CTIF: variants seen among roughly 807,000 people sequenced by gnomAD.
The protein encoded by CTIF is cap binding complex dependent translation initiation factor.
In CTIF, 21 loss-of-function variants were observed where a neutral mutation model predicts 66.0. The ratio of observed to expected loss-of-function variants is 0.32; its 90% CI spans 0.23 to 0.46. The LOEUF (loss-of-function observed/expected upper bound fraction) is 0.46, where lower values mean the gene tolerates loss of function less well. Ranked by LOEUF, CTIF falls within the 20% of genes least tolerant of loss-of-function variation. CTIF has a pLI of 1.00. For synonymous variants in CTIF, 345 were observed against 326.4 expected (o/e 1.06, Z -0.62); for missense variants, 739 against 812.7 (o/e 0.91, Z 1.10).
intron 5 of CTIF, among the ~76,000 whole-genome samples, chr18:48,666,028 A>G (rs1434387652): frequency 6.6e-6 from 1 of 152,238 alleles, no homozygotes; most frequent in Non-Finnish European, 1.5e-5. Flanking sequence ...GGAGCTGTCA[A>G]ACTGTGTTCC....
intron 3 of CTIF, among the ~76,000 whole-genome samples, chr18:48,653,709 G>A (rs577948468): frequency 1.3e-5 from 2 of 152,176 alleles, no homozygotes; most frequent in Non-Finnish European, 1.5e-5. Context: ...GGCATCACGC[G>A]ACCTGACTTC....
At chr18:48,657,864 G>A (rs563478224) in intron 3 of CTIF, among the ~76,000 whole-genome samples, 4 of 152,260 alleles carry the variant, frequency 2.6e-5, no homozygotes, top group South Asian at 2.1e-4. Flanking sequence ...CAAGTCCAAC[G>A]CTTGCCTGGG....
intron 1 of CTIF, among the ~76,000 whole-genome samples, chr18:48,543,554 G>A (rs979860308): frequency 1.2e-4 from 18 of 152,288 alleles, no homozygotes; most frequent in Middle Eastern, 6.8e-3. Context: ...TCTGACTTTG[G>A]AATTAAGGCC....
chr18:48,589,045 T>G (rs2089833903), intron 1 of CTIF, among the ~76,000 whole-genome samples: 1 of 152,174 alleles, frequency 6.6e-6, no homozygotes, highest in Non-Finnish European at 1.5e-5. Flanking sequence ...CAGCCCAACT[T>G]TTTAAGAAAA....
At chr18:48,583,884 A>G (rs1188818291) in intron 1 of CTIF, among the ~76,000 whole-genome samples, 1 of 152,212 alleles carries the variant, frequency 6.6e-6, no homozygotes, top group Non-Finnish European at 1.5e-5. Flanking sequence ...CTTGAATATT[A>G]AGTCACTCAC....
chr18:48,600,417 C>G (rs1371935512), intron 1 of CTIF, among the ~76,000 whole-genome samples: 1 of 152,122 alleles, frequency 6.6e-6, no homozygotes, highest in Non-Finnish European at 1.5e-5. Context: ...TCAGTTGGAG[C>G]AAGCAGATGT....
At chr18:48,656,442 G>T (rs1457084977) in intron 3 of CTIF, among the ~76,000 whole-genome samples, 1 of 152,176 alleles carries the variant, frequency 6.6e-6, no homozygotes, top group Non-Finnish European at 1.5e-5. Flanking sequence ...CTTGGGCAGT[G>T]CTGGCACATA....
intron 5 of CTIF, among the ~76,000 whole-genome samples, chr18:48,669,695 T>A (rs1397581101): frequency 6.7e-6 from 1 of 150,002 alleles, no homozygotes; most frequent in Non-Finnish European, 1.5e-5. Flanking sequence ...ATTAAACATA[T>A]GTGTGTATGT....
chr18:48,781,642 A>T (rs1005301165), intron 9 of CTIF, among the ~76,000 whole-genome samples: 1 of 152,016 alleles, frequency 6.6e-6, no homozygotes, highest in African/African-American at 2.4e-5. Context: ...AGGGCCTGGG[A>T]GAGAAGACAC....
At chr18:48,659,769 T>C (rs1287023684) in intron 3 of CTIF, among the ~76,000 whole-genome samples, 1 of 152,130 alleles carries the variant, frequency 6.6e-6, no homozygotes, top group East Asian at 1.9e-4. Flanking sequence ...AGAAGCAGCC[T>C]GGTGCCGAGT....
At chr18:48,745,589 G>A (rs989000376) in intron 7 of CTIF, among the ~76,000 whole-genome samples, 2 of 152,112 alleles carry the variant, frequency 1.3e-5, no homozygotes, top group African/African-American at 4.8e-5. Context: ...TTATCATAAG[G>A]GAAAGCCTTT....
At chr18:48,739,072 A>G (rs981137047) in intron 7 of CTIF, among the ~76,000 whole-genome samples, 4 of 152,162 alleles carry the variant, frequency 2.6e-5, no homozygotes, top group Non-Finnish European at 5.9e-5. Context: ...CACCCTGAAT[A>G]GCTGGTCCCC....
chr18:48,796,863 A>G lies in CTIF; in HGVS notation c.1372-20358A>G, dbSNP rs537356714. On this transcript the variant is annotated intron_variant, in intron 9 of 11. Transcript: ENST00000256413. ...TTGTGTGACGAGAATTGTTTCCCCT[A>G]TCCACACTGCTTAGTGAGTCTGGGC... Among the ~76,000 whole-genome samples the G allele has an allele frequency of 1.6e-3, 240 of 152,280 alleles. 1 individual carries two copies. The highest frequency in any genetic ancestry group is 5.6e-3 in the African/African-American group (233 of 41,548).
At chr18:48,713,035 C>T (rs2092243915) in intron 7 of CTIF, among the ~76,000 whole-genome samples, 2 of 152,220 alleles carry the variant, frequency 1.3e-5, no homozygotes, top group African/African-American at 4.8e-5. Context: ...GGACCCAGGC[C>T]TGTTCCTGCC....
At chr18:48,772,558 C>A (rs1328356511) in intron 9 of CTIF, among the ~76,000 whole-genome samples, 1 of 142,974 alleles carries the variant, frequency 7.0e-6, no homozygotes, top group African/African-American at 2.5e-5. Context: ...ATGAATTCAC[C>A]CACTCTACAA....
chr18:48,825,977 C>T (rs1213682131), intron 10 of CTIF: 1 of 152,228 alleles, frequency 6.6e-6, no homozygotes, highest in African/African-American at 2.4e-5. Context: ...TGAGCATCCA[C>T]TGACCAGCCA....
At chr18:48,569,563 C>T (rs938391548) in intron 1 of CTIF, among the ~76,000 whole-genome samples, 6 of 152,118 alleles carry the variant, frequency 3.9e-5, no homozygotes, top group Middle Eastern at 3.2e-3. Context: ...AATACCCAGC[C>T]GCACCAGTAT....
intron 2 of CTIF, among the ~76,000 whole-genome samples, chr18:48,622,765 G>A (rs933583792): frequency 1.3e-5 from 2 of 152,206 alleles, no homozygotes; most frequent in South Asian, 2.1e-4. Context: ...AACTTTTGCA[G>A]TCCCCTGGAA....
At chr18:48,660,217 G>A (rs1354795914) in intron 3 of CTIF, among the ~76,000 whole-genome samples, 1 of 151,198 alleles carries the variant, frequency 6.6e-6, no homozygotes, top group Non-Finnish European at 1.5e-5. Flanking sequence ...GGAGCTGTGG[G>A]GATTCAATGA....
Sources: allele counts gnomAD v4.1 joint callset (sites outside exome capture counted in the v4.1 genomes callset), GRCh38; gene constraint gnomAD v4.1.1; transcripts MANE v1.5; gene names NCBI Gene and HGNC (gene_info 2026-07-23, HGNC 2026-07-21).